The following GLT1D1 variants were observed in gnomAD, a reference collection of about 807,000 sequenced individuals.
GLT1D1 encodes the protein glycosyltransferase 1 domain-containing protein 1.
GLT1D1 carries 21 observed loss-of-function variants against 28.7 expected under a neutral mutation model. That is an observed-to-expected ratio of 0.73 (90% confidence interval 0.52 to 1.05). The LOEUF (loss-of-function observed/expected upper bound fraction) is 1.05. GLT1D1 is among the 50% of genes least tolerant of loss of function. GLT1D1 has a pLI of 0.00. For synonymous variants in GLT1D1, 147 were observed against 124.8 expected (o/e 1.18, Z -1.19); for missense variants, 343 against 330.6 (o/e 1.04, Z -0.29).
chr12:128,951,152 CA>C lies in GLT1D1; in HGVS notation c.540+3695del, dbSNP rs1422392206. 3.3e-5 allele frequency among the ~76,000 whole-genome samples: 5 copies of C among 152,226 alleles called. No individual in the cohort carries two copies. The East Asian group carries it at 9.7e-4, about 29-fold the overall frequency. Reference sequence around the variant, plus strand: ...GCGCGGTGGCTCACGTCTATAATCCCAGCACTTTGGGAGGCTGAGGTGGGTG... The same window carrying C: ...GCGCGGTGGCTCACGTCTATAATCCCGCACTTTGGGAGGCTGAGGTGGGTG... On this transcript the variant is annotated intron_variant, in intron 6 of 7. Coordinates refer to ENST00000281703, the MANE Select transcript of GLT1D1 (RefSeq NM_144669.3).
intron 3 of GLT1D1, among the ~76,000 whole-genome samples, chr12:128,895,100 C>T (rs1869478486): frequency 6.6e-6 from 1 of 152,010 alleles, no homozygotes; most frequent in Non-Finnish European, 1.5e-5. Context: ...CCTGATTCAT[C>T]TCCTGTCTAC....
At chr12:128,906,817 C>T in intron 4 of GLT1D1, 3 of 591,418 alleles carry the variant, frequency 5.1e-6, no homozygotes, top group Non-Finnish European at 6.2e-6. Context: ...AAAGTAACTT[C>T]TTCAAGTTGC....
chr12:128,924,376 G>A (rs982347939), intron 4 of GLT1D1, among the ~76,000 whole-genome samples: 3 of 150,332 alleles, frequency 2.0e-5, no homozygotes, highest in Non-Finnish European at 3.0e-5. Flanking sequence ...GCACTGAGCC[G>A]AGATCGTGCT....
chr12:128,960,219 TG>T (rs1191703307), intron 7 of GLT1D1, among the ~76,000 whole-genome samples: 1 of 152,148 alleles, frequency 6.6e-6, no homozygotes, highest in Non-Finnish European at 1.5e-5. Flanking sequence ...GGTTTTATGT[TG>T]GGGGAGGCTG....
rs373717482 is a variant in GLT1D1 at position 128,945,149 on chromosome 12, T to C, written c.376-177T>C. The stretch of plus-strand genomic sequence containing the variant: ...GTGATACGCGACGACACAGTGCCCT[T>C]GCCCGAGCCGGGGGCCCCCATGATC... On this transcript the variant is annotated intron_variant, in intron 4 of 7. Transcript: ENST00000281703. The C allele has an allele frequency of 1.1e-4, 85 of 741,176 alleles. No homozygotes were observed. In the East Asian group the frequency reaches 2.1e-3, roughly 19 times the overall value. The allele number at this position is 741,176 out of a possible 1,614,324, so 45.9% of individuals were successfully genotyped here. A position where few individuals can be genotyped will look rare whatever the true frequency, so the allele number is the denominator to read the frequency against.
intron 2 of GLT1D1, among the ~76,000 whole-genome samples, chr12:128,880,421 T>C (rs893996026): frequency 6.6e-6 from 1 of 152,254 alleles, no homozygotes; most frequent in African/African-American, 2.4e-5. Flanking sequence ...TGTTCATTCC[T>C]AGTTGTTGTC....
intron 5 of GLT1D1, among the ~76,000 whole-genome samples, chr12:128,946,971 A>G (rs1876186373): frequency 6.6e-6 from 1 of 151,962 alleles, no homozygotes; most frequent in African/African-American, 2.4e-5. Flanking sequence ...TTCTATTCTT[A>G]TTGTCTCATT....
At chr12:128,853,715 C>A in intron 1 of GLT1D1, 66 bp downstream of exon 1, 1 of 965,144 alleles carries the variant, frequency 1.0e-6, no homozygotes, top group Non-Finnish European at 1.3e-6. Flanking sequence ...ACGCGGGACC[C>A]GGGGACGCGG....
At position 128,984,272 on chromosome 12, in the gene GLT1D1, AG is replaced by A. The variant is rs1359376239; in HGVS notation, c.*1183del. 6.6e-6 allele frequency: 1 copy of A among 152,236 alleles called. No individual in the cohort carries two copies. Among genetic ancestry groups the A allele is most frequent in the Non-Finnish European group, 1.5e-5 (1 of 68,056 alleles). The allele number at this position is 152,236 out of a possible 1,614,324, so 9.4% of individuals were successfully genotyped here. On this transcript the variant is annotated 3_prime_UTR_variant, in exon 8 of 8. Transcript: ENST00000281703. ...GAGGGCCGAGGGAGAAGATTCCACC[AG>A]CATTGTCCTTGCTTCAAGTTTTAGG...
intron 4 of GLT1D1, among the ~76,000 whole-genome samples, chr12:128,940,189 C>T (rs1055373999): frequency 1.3e-5 from 2 of 152,018 alleles, no homozygotes; most frequent in African/African-American, 4.8e-5. Flanking sequence ...TTATTTTCTT[C>T]TAGCATTTTT....
chr12:128,938,442 T>C (rs766870246), intron 4 of GLT1D1, among the ~76,000 whole-genome samples: 2 of 152,232 alleles, frequency 1.3e-5, no homozygotes, highest in Admixed American at 6.5e-5. Flanking sequence ...AGTGACTTAG[T>C]GACCTCAGGG....
intron 1 of GLT1D1, among the ~76,000 whole-genome samples, chr12:128,869,027 G>A (rs1956618152): frequency 6.6e-6 from 1 of 151,610 alleles, no homozygotes; most frequent in Non-Finnish European, 1.5e-5. Flanking sequence ...GCACTACCAC[G>A]CCCAGCTAAT....
intron 1 of GLT1D1, among the ~76,000 whole-genome samples, chr12:128,868,962 C>T (rs1368731378): frequency 1.3e-5 from 2 of 152,228 alleles, no homozygotes; most frequent in South Asian, 2.1e-4. Flanking sequence ...CACCGCCTGC[C>T]GGGTTCAAGT....
At chr12:128,928,578 G>T (rs1431363253) in intron 4 of GLT1D1, among the ~76,000 whole-genome samples, 1 of 151,854 alleles carries the variant, frequency 6.6e-6, no homozygotes, top group Non-Finnish European at 1.5e-5. Flanking sequence ...CAGACAGGGT[G>T]GACCGCTGCC....
At chr12:128,857,663 C>T (rs184842740) in intron 1 of GLT1D1, among the ~76,000 whole-genome samples, 47 of 152,222 alleles carry the variant, frequency 3.1e-4, no homozygotes, top group Non-Finnish European at 5.1e-4. Flanking sequence ...CCAAAGACCC[C>T]GGAGACCACC....
intron 4 of GLT1D1, among the ~76,000 whole-genome samples, chr12:128,913,991 C>T (rs1030160266): frequency 2.0e-5 from 3 of 152,224 alleles, no homozygotes; most frequent in South Asian, 2.1e-4. Context: ...GTTAAATAGC[C>T]GCTGTCAGTA....
At chr12:128,866,806 AGACAGGG>A (rs1956538466) in intron 1 of GLT1D1, among the ~76,000 whole-genome samples, 1 of 151,836 alleles carries the variant, frequency 6.6e-6, no homozygotes, top group South Asian at 2.1e-4. Flanking sequence ...TTTTTAGTAG[AGACAGGG>A]TTTCACCTTG....
At position 128,912,336 on chromosome 12, in the gene GLT1D1, T is replaced by A. The variant is rs1871626180; in HGVS notation, c.375+13049T>A. 3.5e-5 allele frequency: 28 copies of A among 802,598 alleles called. No homozygotes were observed. In the South Asian group the frequency reaches 4.5e-4, roughly 13 times the overall value. The allele number at this position is 802,598 out of a possible 1,614,324, so 49.7% of individuals were successfully genotyped here. A position where few individuals can be genotyped will look rare whatever the true frequency, so the allele number is the denominator to read the frequency against. On this transcript the variant is annotated intron_variant, in intron 4 of 7. Coordinates refer to ENST00000281703, the MANE Select transcript of GLT1D1 (RefSeq NM_144669.3). ...TGATGTTTTCCAGGACGGCTTTTTT[T>A]GTTAATGACCTTCATTTTATTTCTA...
chr12:128,910,673 C>T (rs1265330282), intron 4 of GLT1D1, among the ~76,000 whole-genome samples: 7 of 144,684 alleles, frequency 4.8e-5, no homozygotes, highest in South Asian at 4.4e-4. Context: ...TTTCAATGGT[C>T]GCCTTTAGCC....
Sources: allele counts gnomAD v4.1 joint callset (sites outside exome capture counted in the v4.1 genomes callset), GRCh38; gene constraint gnomAD v4.1.1; transcripts MANE v1.5; gene names NCBI Gene and HGNC (gene_info 2026-07-23, HGNC 2026-07-21).